The following IGF2BP3 variants were observed in gnomAD, a reference collection of about 807,000 sequenced individuals.
IGF2BP3 encodes the protein insulin-like growth factor 2 mRNA-binding protein 3.
IGF2BP3 carries 9 observed loss-of-function variants against 73.8 expected under a neutral mutation model. That is an observed-to-expected ratio of 0.12 (90% CI 0.07 to 0.21). IGF2BP3 has a LOEUF of 0.21. Ranked by LOEUF, IGF2BP3 falls within the 10% of genes least tolerant of loss-of-function variation. The pLI is 1.00. For missense variants in IGF2BP3, 542 were observed against 714.0 expected, an observed-to-expected ratio of 0.76 and a Z score of 2.75; for synonymous variants, 258 against 256.7, an observed-to-expected ratio of 1.01 and a Z score of -0.05.
At chr7:23,400,313 A>C (rs568965941) in intron 3 of IGF2BP3, among the ~76,000 whole-genome samples, 1 of 152,210 alleles carries the variant, frequency 6.6e-6, no homozygotes, top group African/African-American at 2.4e-5. Flanking sequence ...AAGTAATTGG[A>C]GTTTTCACCA....
intron 10 of IGF2BP3, among the ~76,000 whole-genome samples, chr7:23,340,034 T>G (rs1337905927): frequency 6.6e-6 from 1 of 152,052 alleles, no homozygotes; most frequent in African/African-American, 2.4e-5. Context: ...ATAGTTCAGG[T>G]TTTTTTTATT....
At chr7:23,411,900 G>T (rs1787034557) in intron 3 of IGF2BP3, among the ~76,000 whole-genome samples, 1 of 145,648 alleles carries the variant, frequency 6.9e-6, no homozygotes. Context: ...CTATGGTATT[G>T]TTTCGTTTTT....
intron 2 of IGF2BP3, among the ~76,000 whole-genome samples, chr7:23,426,747 G>T (rs1348386085): frequency 6.6e-6 from 1 of 152,136 alleles, no homozygotes; most frequent in Non-Finnish European, 1.5e-5. Context: ...ATTCCATAGG[G>T]AGTGTTCTGT....
intron 10 of IGF2BP3, among the ~76,000 whole-genome samples, chr7:23,340,051 G>C (rs989006200): frequency 2.6e-5 from 4 of 152,020 alleles, no homozygotes; most frequent in Non-Finnish European, 4.4e-5. Context: ...TATTATACAG[G>C]TGAGAAAACA....
At chr7:23,312,532 A>G in intron 14 of IGF2BP3, 72 bp from the exon 15 acceptor site, 1 of 1,109,990 alleles carries the variant, frequency 9.0e-7, no homozygotes, top group Non-Finnish European at 1.4e-6. Flanking sequence ...CCTTCATTTC[A>G]ACAATTTCAA....
intron 2 of IGF2BP3, among the ~76,000 whole-genome samples, chr7:23,449,470 T>C (rs916459360): frequency 4.0e-5 from 6 of 151,346 alleles, no homozygotes; most frequent in Non-Finnish European, 5.9e-5. Context: ...TGAGCCGAGA[T>C]AGCGCCACTG....
chr7:23,408,769 C>T (rs574109969), intron 3 of IGF2BP3, among the ~76,000 whole-genome samples: 3 of 152,280 alleles, frequency 2.0e-5, no homozygotes, highest in East Asian at 3.9e-4. Context: ...TTCACGGTGG[C>T]ATTGATCACA....
In IGF2BP3 at chr7:23,456,364, C is replaced by T. The variant is rs375485971; in HGVS notation, c.236+12118G>A. Among the ~76,000 whole-genome samples, 17 of 152,248 alleles carry T rather than the reference C, an allele frequency of 1.1e-4. 1 individual carries two copies. In the South Asian group the frequency reaches 2.5e-3, roughly 22 times the overall value. On this transcript the variant is annotated intron_variant, in intron 2 of 14. Coordinates refer to ENST00000258729, the MANE Select transcript of IGF2BP3 (RefSeq NM_006547.3). ...GCTGGGACCAAAAGCTGAGTAGCAC[C>T]TTCTTTTGGAAGCTAATTCTTAATC...
chr7:23,341,240 A>AC (rs1180023299), intron 10 of IGF2BP3, among the ~76,000 whole-genome samples: 1 of 152,044 alleles, frequency 6.6e-6, no homozygotes, highest in Non-Finnish European at 1.5e-5. Context: ...TGTGCACAAA[A>AC]CTATCTTATC....
intron 5 of IGF2BP3, among the ~76,000 whole-genome samples, chr7:23,355,750 T>G (rs971935585): frequency 6.6e-6 from 1 of 152,046 alleles, no homozygotes; most frequent in African/African-American, 2.4e-5. Context: ...TTGGACAATA[T>G]GACAAAACTC....
chr7:23,426,456 A>T (rs1018067584), intron 2 of IGF2BP3, among the ~76,000 whole-genome samples: 7 of 152,166 alleles, frequency 4.6e-5, no homozygotes, highest in African/African-American at 1.7e-4. Context: ...CTTTCTTAAC[A>T]ACTGGTATGT....
rs139093964 is a variant in IGF2BP3, at chr7:23,412,700, T to C, written c.285+6076A>G. Among the ~76,000 whole-genome samples the C allele has an allele frequency of 1.6e-3, 246 of 152,280 alleles. 2 individuals are homozygous for C. The highest frequency in any genetic ancestry group is 5.4e-3 in the African/African-American group (225 of 41,568). ...TAATGTCTTCCTTTACATAAGGTCT[T>C]ATGCTTCACTTCAGGGAAGGTACCC... is the stretch of plus-strand genomic sequence containing the variant. On this transcript the variant is annotated intron_variant, in intron 3 of 14. Transcript: ENST00000258729.
chr7:23,319,295 A>G, intron 10 of IGF2BP3, 41 bp from the exon 11 acceptor site: 1 of 1,324,356 alleles, frequency 7.6e-7, no homozygotes, highest in Non-Finnish European at 1.1e-6. Flanking sequence ...TTTATTTGCT[A>G]CAAATCAGGC....
At chr7:23,338,473 T>C (rs925920094) in intron 10 of IGF2BP3, among the ~76,000 whole-genome samples, 4 of 152,260 alleles carry the variant, frequency 2.6e-5, no homozygotes, top group Admixed American at 6.5e-5. Context: ...CTGGGCAACA[T>C]AGTGAGTCCC....
At chr7:23,318,012 A>C (rs1037681252) in intron 11 of IGF2BP3, among the ~76,000 whole-genome samples, 5 of 152,154 alleles carry the variant, frequency 3.3e-5, no homozygotes, top group African/African-American at 1.2e-4. Context: ...CGGAAATGGA[A>C]GGCTGGAGAA....
chr7:23,360,057 A>G (rs1785187515), intron 5 of IGF2BP3, among the ~76,000 whole-genome samples: 1 of 151,490 alleles, frequency 6.6e-6, no homozygotes, highest in Non-Finnish European at 1.5e-5. Context: ...AAAACACAAG[A>G]TATCACTTTC....
chr7:23,343,994 G>T, intron 8 of IGF2BP3, 141 bp from the exon 9 acceptor site: 2 of 738,104 alleles, frequency 2.7e-6, no homozygotes, highest in East Asian at 5.4e-5. Context: ...GATGGGAAAT[G>T]AGTAAGCCCC....
chr7:23,438,566 A>G (rs1229495902), intron 2 of IGF2BP3, among the ~76,000 whole-genome samples: 1 of 152,220 alleles, frequency 6.6e-6, no homozygotes, highest in African/African-American at 2.4e-5. Context: ...TGATGTTTCA[A>G]GAAGTTCCCT....
At chr7:23,339,521 A>C (rs574251627) in intron 10 of IGF2BP3, among the ~76,000 whole-genome samples, 1 of 152,262 alleles carries the variant, frequency 6.6e-6, no homozygotes, top group Non-Finnish European at 1.5e-5. Context: ...AATTTTGGCT[A>C]CTGAAGCATC....
Sources: allele counts gnomAD v4.1 joint callset (sites outside exome capture counted in the v4.1 genomes callset), GRCh38; gene constraint gnomAD v4.1.1; transcripts MANE v1.5; gene names NCBI Gene and HGNC (gene_info 2026-07-23, HGNC 2026-07-21).